Variants in NBEA observed in about 807,000 individuals in gnomAD.
The protein encoded by NBEA is lysosomal-trafficking regulator 2.
A neutral mutation model predicts 343.4 loss-of-function variants in NBEA; 44 were observed. The observed-to-expected ratio is 0.13, with a 90% confidence interval of 0.10 to 0.16. The LOEUF is 0.16. Among genes scored for constraint, NBEA ranks in the 10% least tolerant of loss-of-function variants. The pLI is 1.00. For missense variants in NBEA, 2,555 were observed against 3,631.3 expected (o/e 0.70, Z 7.62); for synonymous variants, 1,175 against 1,238.7 (o/e 0.95, Z 1.08).
chr13:35,240,422 C>A (rs114106229), intron 34 of NBEA, among the ~76,000 whole-genome samples: 100 of 151,708 alleles, frequency 6.6e-4, no homozygotes, highest in African/African-American at 2.4e-3. Context: ...GACAGCTAGA[C>A]AATTAGATAG....
chr13:35,629,715 T>A (rs1432632642), intron 49 of NBEA, among the ~76,000 whole-genome samples: 1 of 152,222 alleles, frequency 6.6e-6, no homozygotes, highest in African/African-American at 2.4e-5. Context: ...CAGTTGTGTA[T>A]AAATTGTAAT....
At chr13:35,506,677 A>G (rs2077083965) in intron 41 of NBEA, among the ~76,000 whole-genome samples, 1 of 152,134 alleles carries the variant, frequency 6.6e-6, no homozygotes, top group Admixed American at 6.6e-5. Context: ...AATTTGTGAT[A>G]AATTATTTCA....
At chr13:35,602,999 A>G (rs9544777) in intron 47 of NBEA, among the ~76,000 whole-genome samples, 33,312 of 152,140 alleles carry the variant, frequency 0.22, 3,835 homozygotes, top group African/African-American at 0.23. Flanking sequence ...AACTTTTTCT[A>G]TATTTAAATT....
chr13:35,267,926 G>A (rs542399774), intron 34 of NBEA, among the ~76,000 whole-genome samples: 3 of 152,004 alleles, frequency 2.0e-5, no homozygotes, highest in African/African-American at 7.2e-5. Flanking sequence ...AAATGGTACA[G>A]CTGATGTGCA....
intron 10 of NBEA, among the ~76,000 whole-genome samples, chr13:35,088,447 C>T (rs916657258): frequency 6.6e-6 from 1 of 151,714 alleles, no homozygotes; most frequent in South Asian, 2.1e-4. Flanking sequence ...TAGCCATAGC[C>T]ATGTGGATTT....
chr13:35,268,717 T>C (rs2033890759), intron 34 of NBEA, among the ~76,000 whole-genome samples: 1 of 152,100 alleles, frequency 6.6e-6, no homozygotes, highest in Non-Finnish European at 1.5e-5. Context: ...CTTTTTTTAG[T>C]AAATATATTT....
At chr13:34,972,716 T>G (rs1405462702) in intron 1 of NBEA, among the ~76,000 whole-genome samples, 1 of 152,196 alleles carries the variant, frequency 6.6e-6, no homozygotes, top group Non-Finnish European at 1.5e-5. Context: ...TTCTTTTGCA[T>G]TTCCTAAAGA....
intron 48 of NBEA, among the ~76,000 whole-genome samples, chr13:35,608,225 A>T (rs1379568425): frequency 1.3e-5 from 2 of 152,084 alleles, no homozygotes; most frequent in Non-Finnish European, 2.9e-5. Flanking sequence ...GTTTTGCATA[A>T]GTCTTATTGC....
chr13:35,018,019 A>G (rs1022563829), intron 1 of NBEA, among the ~76,000 whole-genome samples: 6 of 152,074 alleles, frequency 3.9e-5, no homozygotes, highest in African/African-American at 1.2e-4. Context: ...TCTCACATCA[A>G]TTGATCATCT....
intron 34 of NBEA, among the ~76,000 whole-genome samples, chr13:35,281,334 G>A (rs1020911192): frequency 1.3e-5 from 2 of 152,068 alleles, no homozygotes; most frequent in Admixed American, 6.5e-5. Flanking sequence ...TGGAGGATTC[G>A]TAAGAAAATT....
At chr13:35,523,866 C>T (rs2077839271) in intron 41 of NBEA, among the ~76,000 whole-genome samples, 1 of 151,754 alleles carries the variant, frequency 6.6e-6, no homozygotes, top group Non-Finnish European at 1.5e-5. Context: ...AGCTATATTT[C>T]CCTCTGCTTT....
At chr13:35,060,074 C>T (rs1001988710) in intron 8 of NBEA, among the ~76,000 whole-genome samples, 15 of 151,678 alleles carry the variant, frequency 9.9e-5, no homozygotes, top group African/African-American at 3.6e-4. Context: ...TATTAATATG[C>T]TGCATGCTTT....
At chr13:35,423,411 T>G (rs937184863) in intron 38 of NBEA, among the ~76,000 whole-genome samples, 4 of 152,222 alleles carry the variant, frequency 2.6e-5, no homozygotes, top group African/African-American at 7.2e-5. Flanking sequence ...TAGGGAATCC[T>G]TTCCCCATTT....
intron 41 of NBEA, among the ~76,000 whole-genome samples, chr13:35,492,768 A>G (rs909391796): frequency 3.9e-5 from 6 of 151,916 alleles, no homozygotes; most frequent in Non-Finnish European, 7.4e-5. Context: ...GGATTATACA[A>G]CTAGGCCTCA....
chr13:35,560,164 T>C (rs942778879), intron 44 of NBEA, among the ~76,000 whole-genome samples: 1 of 152,072 alleles, frequency 6.6e-6, no homozygotes, highest in African/African-American at 2.4e-5. Context: ...GCCCAAGTCA[T>C]AGGGCTAATA....
chr13:35,228,711 A>G (rs1030514466), intron 33 of NBEA, among the ~76,000 whole-genome samples: 13 of 152,112 alleles, frequency 8.5e-5, no homozygotes, highest in African/African-American at 3.1e-4. Context: ...TTTTCTTAAG[A>G]GTTTACACTT....
chr13:35,151,611 T>C (rs1175803843), intron 18 of NBEA, among the ~76,000 whole-genome samples: 1 of 151,666 alleles, frequency 6.6e-6, no homozygotes, highest in Non-Finnish European at 1.5e-5. Context: ...CAACATTGTA[T>C]AAGTTGTGAA....
At chr13:35,361,747 G>A (rs1279629123) in intron 38 of NBEA, among the ~76,000 whole-genome samples, 1 of 151,972 alleles carries the variant, frequency 6.6e-6, no homozygotes, top group Non-Finnish European at 1.5e-5. Context: ...TTCAGACTGG[G>A]AAAACCATAG....
At chr13:35,540,599 T>G (rs978431034) in intron 41 of NBEA, among the ~76,000 whole-genome samples, 1 of 152,180 alleles carries the variant, frequency 6.6e-6, no homozygotes, top group African/African-American at 2.4e-5. Flanking sequence ...TTTGAGAGTA[T>G]GTGTTTGAAG....
Sources: gnomAD v4.1 joint callset for allele counts (sites outside exome capture counted in the v4.1 genomes callset) on GRCh38, gnomAD v4.1.1 for gene constraint, MANE v1.5 for transcripts, NCBI Gene and HGNC (gene_info 2026-07-23, HGNC 2026-07-21) for gene names.